Variants in NPY2R observed in about 807,000 individuals in gnomAD.
The protein encoded by NPY2R is neuropeptide Y receptor type 2.
A neutral mutation model predicts 22.3 loss-of-function variants in NPY2R; 17 were observed. That is an observed-to-expected ratio of 0.76 (90% CI 0.52 to 1.14). The LOEUF (loss-of-function observed/expected upper bound fraction) is 1.14, where lower values mean the gene tolerates loss of function less well. Ranked by LOEUF, NPY2R falls within the 50% of genes most tolerant of loss-of-function variation. NPY2R has a pLI of 0.00. For missense variants in NPY2R, 424 were observed against 467.9 expected, an observed-to-expected ratio of 0.91 and a Z score of 0.87; for synonymous variants, 209 against 183.4, an observed-to-expected ratio of 1.14 and a Z score of -1.13.
chr4:155,174,462 T>TATATATATACA, the NPY2R span, among the ~76,000 whole-genome samples: 6 of 116,588 alleles, frequency 5.1e-5, no homozygotes, highest in African/African-American at 2.7e-4. Flanking sequence ...TGGCTAAGCT[T>TATATATATACA]TATATATATA....
the NPY2R span, among the ~76,000 whole-genome samples, chr4:155,184,527 C>T: frequency 6.6e-6 from 1 of 152,122 alleles, no homozygotes; most frequent in African/African-American, 2.4e-5. Flanking sequence ...GGGTGGATTT[C>T]TCTGTCCTAG....
At chr4:155,191,597 A>C in the NPY2R span, among the ~76,000 whole-genome samples, 3 of 151,926 alleles carry the variant, frequency 2.0e-5, no homozygotes, top group African/African-American at 4.8e-5. Context: ...AAAATTTATT[A>C]GAGGTAGATA....
the NPY2R span, among the ~76,000 whole-genome samples, chr4:155,194,392 C>T: frequency 1.3e-5 from 2 of 151,566 alleles, no homozygotes; most frequent in African/African-American, 2.4e-5. Flanking sequence ...GACTCTCACT[C>T]TCCTCTCACC....
At chr4:155,191,020 T>C in the NPY2R span, among the ~76,000 whole-genome samples, 8 of 151,968 alleles carry the variant, frequency 5.3e-5, no homozygotes, top group Non-Finnish European at 1.5e-5. Flanking sequence ...AGAATTTTAT[T>C]GCTGGAAGAG....
chr4:155,177,737 T>C, the NPY2R span, among the ~76,000 whole-genome samples: 1 of 151,988 alleles, frequency 6.6e-6, no homozygotes, highest in Non-Finnish European at 1.5e-5. Flanking sequence ...CTCCCCAGCT[T>C]GTGCACCCTA....
the NPY2R span, among the ~76,000 whole-genome samples, chr4:155,187,646 G>A: frequency 6.6e-6 from 1 of 151,970 alleles, no homozygotes; most frequent in African/African-American, 2.4e-5. Context: ...TACCTCCAAA[G>A]GATAATTTTC....
the NPY2R span, among the ~76,000 whole-genome samples, chr4:155,186,154 T>C: frequency 6.6e-6 from 1 of 152,176 alleles, no homozygotes; most frequent in Non-Finnish European, 1.5e-5. Flanking sequence ...GACTTAATAT[T>C]AGTCCAAGGT....
chr4:155,173,786 A>G, the NPY2R span: 1 of 152,030 alleles, frequency 6.6e-6, no homozygotes, highest in Non-Finnish European at 1.5e-5. Context: ...AAGCCTATCA[A>G]ACATAAACAG....
At chr4:155,208,445 G>T (rs796857736), upstream of NPY2R, 3 of 152,426 alleles carry the variant, frequency 2.0e-5, no homozygotes, top group Non-Finnish European at 4.4e-5. This position sits in a 1 kb window ranked among gnomAD's most constrained non-coding sequence, Gnocchi z 5.6. Context: ...GCGGAACTGG[G>T]GGGTAGAGAG....
intron 1 of NPY2R, among the ~76,000 whole-genome samples, chr4:155,210,492 C>G (rs1729381593): frequency 6.6e-6 from 1 of 152,192 alleles, no homozygotes; most frequent in South Asian, 2.1e-4. Context: ...CTCTTGGAGT[C>G]TCTTTAATTC....
the NPY2R span, among the ~76,000 whole-genome samples, chr4:155,189,600 A>G: frequency 6.6e-6 from 1 of 152,004 alleles, no homozygotes; most frequent in African/African-American, 2.4e-5. Flanking sequence ...CATTTTTATA[A>G]GTTATATATC....
the NPY2R span, among the ~76,000 whole-genome samples, chr4:155,194,236 T>C: frequency 1.3e-5 from 2 of 151,964 alleles, no homozygotes; most frequent in Non-Finnish European, 1.5e-5. Flanking sequence ...TTGTTTTATA[T>C]ATTTTTTCTT....
chr4:155,191,396 T>G, the NPY2R span, among the ~76,000 whole-genome samples: 1 of 152,030 alleles, frequency 6.6e-6, no homozygotes, highest in East Asian at 1.9e-4. Flanking sequence ...AATGTAATTC[T>G]CATAATCTTG....
chr4:155,178,038 A>G, the NPY2R span, among the ~76,000 whole-genome samples: 1 of 152,164 alleles, frequency 6.6e-6, no homozygotes, highest in Non-Finnish European at 1.5e-5. Flanking sequence ...TTTTAGTTAT[A>G]AGAATATTTC....
chr4:155,198,938 G>A, the NPY2R span, among the ~76,000 whole-genome samples: 32 of 151,994 alleles, frequency 2.1e-4, no homozygotes, highest in Admixed American at 2.6e-4. Context: ...TGGTTACTAG[G>A]AAACCTTGCA....
Position 155,215,915 on chromosome 4 carries a change from G to A in NPY2R, c.*830G>A, listed in dbSNP as rs1034431834. ...TTGTTATACCTTTTTGAACATGTAT[G>A]ATTTCTGTTGTTATTCCTATTGGAG... On this transcript the variant is annotated 3_prime_UTR_variant, in exon 2 of 2. Transcript: ENST00000329476. The A allele has an allele frequency of 6.6e-5, 11 of 167,118 alleles. No homozygotes were observed. In the Admixed American group the frequency reaches 7.2e-4, roughly 11 times the overall value. 10.4% of individuals were successfully genotyped at this position (167,118 alleles called of 1,614,324 possible).
the NPY2R span, among the ~76,000 whole-genome samples, chr4:155,188,613 C>T: frequency 1.3e-5 from 2 of 152,038 alleles, no homozygotes; most frequent in Admixed American, 1.3e-4. Flanking sequence ...AGACTCTTTC[C>T]CTTGCTGACT....
upstream of NPY2R, chr4:155,208,444 G>C (rs1729327756): frequency 1.3e-5 from 2 of 152,346 alleles, no homozygotes; most frequent in Non-Finnish European, 1.5e-5. This position sits in a 1 kb window ranked among gnomAD's most constrained non-coding sequence, Gnocchi z 5.6. Flanking sequence ...CGCGGAACTG[G>C]GGGGTAGAGA....
At chr4:155,213,071 C>T (rs1289313178) in intron 1 of NPY2R, among the ~76,000 whole-genome samples, 1 of 152,066 alleles carries the variant, frequency 6.6e-6, no homozygotes, top group Non-Finnish European at 1.5e-5. Context: ...TAAGTAGGAG[C>T]TAAGCTGTGG....
Sources: gnomAD v4.1 joint callset for allele counts (sites outside exome capture counted in the v4.1 genomes callset) on GRCh38, gnomAD v4.1.1 for gene constraint, Gnocchi (gnomAD v3.1) non-coding constraint, MANE v1.5 for transcripts, NCBI Gene and HGNC (gene_info 2026-07-23, HGNC 2026-07-21) for gene names.